The following DLGAP2 variants were observed in gnomAD, a reference collection of about 807,000 sequenced individuals.
DLGAP2 encodes the protein DLG associated protein 2.
In DLGAP2, 26 loss-of-function variants were observed where a neutral mutation model predicts 100.3. The ratio of observed to expected loss-of-function variants is 0.26; its 90% CI spans 0.19 to 0.36. The LOEUF (loss-of-function observed/expected upper bound fraction) is 0.36. DLGAP2 is among the 10% of genes least tolerant of loss of function. DLGAP2 has a pLI of 1.00. For missense variants in DLGAP2, 1,858 were observed against 1,453.2 expected (o/e 1.28, Z -4.53); for synonymous variants, 886 against 630.1 (o/e 1.41, Z -6.08).
chr8:1,658,884 G>C (rs1287208537), intron 8 of DLGAP2, among the ~76,000 whole-genome samples: 1 of 152,060 alleles, frequency 6.6e-6, no homozygotes, highest in Non-Finnish European at 1.5e-5. Context: ...TTTTGAGTTT[G>C]TTTGATCTTG....
chr8:1,516,117 CTGAG>C (rs990474977), intron 4 of DLGAP2, among the ~76,000 whole-genome samples: 22 of 141,920 alleles, frequency 1.6e-4, no homozygotes, highest in African/African-American at 5.0e-4. Flanking sequence ...GAATGAGTGA[CTGAG>C]TGAGGAAAGG....
rs1219024049 is a variant in DLGAP2, at chr8:1,702,891, G to T, written c.*1485G>T. On this transcript the variant is annotated 3_prime_UTR_variant, in exon 15 of 15. Coordinates refer to ENST00000637795, the MANE Select transcript of DLGAP2 (RefSeq NM_001346810.2). ...ACCCCAATACCTGGTCTTCCTTCCC[G>T]GCTTAAGGAGTACCATGTACTTAGC... The T allele has an allele frequency of 6.6e-6, 1 of 152,602 alleles. No homozygotes were observed. Among genetic ancestry groups the T allele is most frequent in the Non-Finnish European group, 1.5e-5 (1 of 68,036 alleles). 9.5% of individuals were successfully genotyped at this position (152,602 alleles called of 1,614,324 possible).
Position 1,706,965 on chromosome 8 carries a change from G to T in DLGAP2, c.*5559G>T, listed in dbSNP as rs1309637666. ...AATGTCCACAATTTTATGAATTGCT[G>T]TCCTAACCCTGGCGTTTTTATCCAG... On this transcript the variant is annotated 3_prime_UTR_variant, in exon 15 of 15. Transcript: ENST00000637795. The T allele has an allele frequency of 6.6e-6, 1 of 152,606 alleles. No homozygotes were observed. Among genetic ancestry groups the T allele is most frequent in the East Asian group, 1.9e-4 (1 of 5,192 alleles). 9.5% of individuals were successfully genotyped at this position (152,606 alleles called of 1,614,324 possible).
intron 3 of DLGAP2, among the ~76,000 whole-genome samples, chr8:1,309,616 G>C (rs899728581): frequency 6.6e-6 from 1 of 152,192 alleles, no homozygotes; most frequent in Non-Finnish European, 1.5e-5. Context: ...AAGGACAGCG[G>C]CATTAGCTCA....
At chr8:1,552,341 C>A (rs1005007785) in intron 5 of DLGAP2, among the ~76,000 whole-genome samples, 9 of 152,220 alleles carry the variant, frequency 5.9e-5, no homozygotes, top group African/African-American at 2.2e-4. Context: ...CATCCGCCTC[C>A]CAGTGAAACC....
chr8:771,222 T>G (rs966188597), intron 1 of DLGAP2, among the ~76,000 whole-genome samples: 2 of 152,224 alleles, frequency 1.3e-5, no homozygotes, highest in Non-Finnish European at 1.5e-5. Context: ...CACATCTACT[T>G]GCAAATGTCC....
At position 1,562,479 on chromosome 8, in the gene DLGAP2, C is replaced by T. The variant is rs1274432124; in HGVS notation, c.1231-3204C>T. Reference sequence around the variant, plus strand: ...GCGGGACTGTGTGTTGTTGGGGTGTCGGCGCCTCGTTACTGGGGGACTGTG... The same window carrying T: ...GCGGGACTGTGTGTTGTTGGGGTGTTGGCGCCTCGTTACTGGGGGACTGTG... On this transcript the variant is annotated intron_variant, in intron 5 of 14. Coordinates refer to ENST00000637795, the MANE Select transcript of DLGAP2 (RefSeq NM_001346810.2). 6.0e-5 allele frequency among the ~76,000 whole-genome samples: 3 copies of T among 50,000 alleles called. 1 individual carries two copies. Among genetic ancestry groups the T allele is most frequent in the Non-Finnish European group, 1.1e-4 (3 of 26,456 alleles). 32.8% of individuals were successfully genotyped at this position (50,000 alleles called of 152,430 possible).
At chr8:1,671,187 T>C (rs907667262) in intron 10 of DLGAP2, among the ~76,000 whole-genome samples, 2 of 152,208 alleles carry the variant, frequency 1.3e-5, no homozygotes, top group East Asian at 1.9e-4. Flanking sequence ...TCCACCCCTC[T>C]CTGCTCTGCT....
intron 1 of DLGAP2, among the ~76,000 whole-genome samples, chr8:900,302 G>A (rs940247672): frequency 6.7e-6 from 1 of 148,714 alleles, no homozygotes; most frequent in African/African-American, 2.5e-5. Flanking sequence ...CCGGGCGGAC[G>A]GTGGGCGCCC....
intron 8 of DLGAP2, 53 bp downstream of exon 8, chr8:1,633,099 T>TCTTC (rs1304459952): frequency 6.3e-7 from 1 of 1,582,772 alleles, no homozygotes; most frequent in African/African-American, 1.3e-5. Context: ...GGCATACCTG[T>TCTTC]CTTCATCCTA....
chr8:1,170,768 T>C (rs1011244172), intron 2 of DLGAP2, among the ~76,000 whole-genome samples: 11 of 150,154 alleles, frequency 7.3e-5, no homozygotes, highest in Admixed American at 2.7e-4. Flanking sequence ...TTTGATTCTT[T>C]TCTCTTTTTT....
At chr8:1,478,658 C>T (rs1045236961) in intron 3 of DLGAP2, among the ~76,000 whole-genome samples, 2 of 152,100 alleles carry the variant, frequency 1.3e-5, no homozygotes, top group Admixed American at 6.5e-5. Context: ...TCTCCATTGA[C>T]ACCGGAGATG....
intron 3 of DLGAP2, among the ~76,000 whole-genome samples, chr8:1,424,332 C>T (rs1433173159): frequency 6.6e-6 from 1 of 152,190 alleles, no homozygotes; most frequent in Non-Finnish European, 1.5e-5. Flanking sequence ...GTATCAAGGG[C>T]CCACTATGAG....
At chr8:867,997 G>T (rs1032824371) in intron 1 of DLGAP2, among the ~76,000 whole-genome samples, 4 of 152,278 alleles carry the variant, frequency 2.6e-5, no homozygotes, top group African/African-American at 9.6e-5. Context: ...AAAAAATTCA[G>T]CAATGGCTTC....
At chr8:793,184 C>T (rs1215855837) in intron 1 of DLGAP2, among the ~76,000 whole-genome samples, 2 of 152,178 alleles carry the variant, frequency 1.3e-5, no homozygotes, top group African/African-American at 2.4e-5. Flanking sequence ...TCTTTGTTCA[C>T]ATCTGTGGGT....
chr8:792,592 C>A lies in DLGAP2; in HGVS notation c.18+54767C>A, dbSNP rs145898147. On this transcript the variant is annotated intron_variant, in intron 1 of 14. Transcript: ENST00000637795. ...TTACAGGAACGTGAAGTAGAAGGTT[C>A]ATTCGCTCAGAAAATGCAACACAAT... 8.8e-4 allele frequency among the ~76,000 whole-genome samples: 134 copies of A among 152,274 alleles called. 1 individual carries two copies. The East Asian group carries it at 0.022, about 25-fold the overall frequency.
intron 4 of DLGAP2, among the ~76,000 whole-genome samples, chr8:1,527,357 T>C (rs996259266): frequency 6.6e-6 from 1 of 152,204 alleles, no homozygotes; most frequent in Non-Finnish European, 1.5e-5. Context: ...ACCTGGCACA[T>C]CTCTGAGTCA....
chr8:1,211,306 G>C (rs974394813), intron 2 of DLGAP2, among the ~76,000 whole-genome samples: 4 of 152,212 alleles, frequency 2.6e-5, no homozygotes, highest in African/African-American at 9.6e-5. Flanking sequence ...GGTCTAATCA[G>C]TGGAGCCTGT....
intron 3 of DLGAP2, among the ~76,000 whole-genome samples, chr8:1,331,043 C>T (rs143529276): frequency 1.8e-3 from 272 of 152,230 alleles, no homozygotes; most frequent in African/African-American, 6.1e-3. Context: ...TTCACAGGAG[C>T]GTGAAGAGAC....
Sources: gnomAD v4.1 joint callset for allele counts (sites outside exome capture counted in the v4.1 genomes callset) on GRCh38, gnomAD v4.1.1 for gene constraint, MANE v1.5 for transcripts, NCBI Gene and HGNC (gene_info 2026-07-23, HGNC 2026-07-21) for gene names.